Variants in INO80C observed in about 807,000 individuals in gnomAD.
INO80C encodes the protein IES6 homolog.
Under a neutral mutation model 17.7 loss-of-function variants are expected in INO80C, and 17 were observed. That is an observed-to-expected ratio of 0.96 (90% CI 0.66 to 1.44). The LOEUF (loss-of-function observed/expected upper bound fraction) is 1.44. Among genes scored for constraint, INO80C ranks in the 40% most tolerant of loss-of-function variants. The pLI, the probability that INO80C is intolerant of heterozygous loss-of-function variation, is 0.00. For missense variants in INO80C, 244 were observed against 245.0 expected (o/e 1.00, Z 0.03); for synonymous variants, 96 against 95.8 (o/e 1.00, Z -0.01).
intron 4 of INO80C, among the ~76,000 whole-genome samples, chr18:35,472,973 G>C (rs1160702026): frequency 6.6e-6 from 1 of 152,154 alleles, no homozygotes; most frequent in African/African-American, 2.4e-5. Flanking sequence ...ACATACAGTG[G>C]GGCAAGAGGT....
intron 1 of INO80C, chr18:35,496,891 A>G (rs1362643863): frequency 3.9e-5 from 6 of 152,206 alleles, no homozygotes; most frequent in Non-Finnish European, 8.8e-5. Flanking sequence ...TACTATAGCA[A>G]AGTATTTAAT....
At chr18:35,487,701 A>T (rs1176258019) in intron 1 of INO80C, 1 of 153,776 alleles carries the variant, frequency 6.5e-6, no homozygotes, top group Non-Finnish European at 1.5e-5. Flanking sequence ...ATGTCCTCAC[A>T]TGTTAAAATC....
At chr18:35,474,460 G>A (rs945671185) in intron 4 of INO80C, among the ~76,000 whole-genome samples, 1 of 151,734 alleles carries the variant, frequency 6.6e-6, no homozygotes, top group East Asian at 1.9e-4. Flanking sequence ...GGCCAAGGCA[G>A]GAGGATGACT....
At chr18:35,488,408 T>C (rs2045898921) in intron 1 of INO80C, among the ~76,000 whole-genome samples, 1 of 152,218 alleles carries the variant, frequency 6.6e-6, no homozygotes, top group Admixed American at 6.5e-5. Context: ...TTGACTTCTG[T>C]GCACCCACAG....
chr18:35,491,301 G>A (rs911125140), intron 1 of INO80C, among the ~76,000 whole-genome samples: 5 of 152,172 alleles, frequency 3.3e-5, no homozygotes, highest in Non-Finnish European at 5.9e-5. Flanking sequence ...GAGAGGACCA[G>A]AGGTCTAAGT....
chr18:35,471,274 T>A (rs1299755229), intron 4 of INO80C, among the ~76,000 whole-genome samples: 1 of 152,252 alleles, frequency 6.6e-6, no homozygotes, highest in Non-Finnish European at 1.5e-5. Context: ...AAGTCCTCTG[T>A]CTTCCCCAGG....
intron 2 of INO80C, among the ~76,000 whole-genome samples, chr18:35,479,700 T>C (rs982093950): frequency 6.6e-6 from 1 of 152,142 alleles, no homozygotes; most frequent in Non-Finnish European, 1.5e-5. Flanking sequence ...TTATTGGGTC[T>C]AACTTTGTAG....
chr18:35,471,593 A>G (rs922945945), intron 4 of INO80C, among the ~76,000 whole-genome samples: 4 of 151,338 alleles, frequency 2.6e-5, no homozygotes, highest in African/African-American at 9.7e-5. Flanking sequence ...CTTTGTGCAC[A>G]CTATTTCTTT....
intron 4 of INO80C, among the ~76,000 whole-genome samples, chr18:35,471,775 C>T (rs555641804): frequency 6.8e-6 from 1 of 146,970 alleles, no homozygotes; most frequent in Admixed American, 6.8e-5. Context: ...CCACAACATT[C>T]CCCGGAGTGT....
chr18:35,497,061 A>T (rs1397489051), intron 1 of INO80C, among the ~76,000 whole-genome samples: 2 of 152,204 alleles, frequency 1.3e-5, no homozygotes, highest in Admixed American at 1.3e-4. Context: ...TTTGAATAAA[A>T]TGCAGGAGCC....
intron 4 of INO80C, among the ~76,000 whole-genome samples, chr18:35,469,892 A>C (rs928625239): frequency 1.4e-4 from 21 of 152,206 alleles, no homozygotes; most frequent in Non-Finnish European, 2.9e-5. Flanking sequence ...CCATCACAGA[A>C]AAGAGAACTT....
At chr18:35,472,582 G>A (rs2045683628) in intron 4 of INO80C, among the ~76,000 whole-genome samples, 1 of 152,114 alleles carries the variant, frequency 6.6e-6, no homozygotes, top group African/African-American at 2.4e-5. Context: ...TTCTTTTGCT[G>A]TGTGCACACT....
At chr18:35,494,460 G>T (rs142743831) in intron 1 of INO80C, among the ~76,000 whole-genome samples, 2 of 152,336 alleles carry the variant, frequency 1.3e-5, no homozygotes, top group Admixed American at 6.5e-5. Flanking sequence ...AGCAATAAAA[G>T]AAGTCTGAAA....
At chr18:35,479,227 A>G (rs2045775840) in intron 3 of INO80C, 73 bp downstream of exon 3, 1 of 936,466 alleles carries the variant, frequency 1.1e-6, no homozygotes, top group Non-Finnish European at 1.7e-6. Context: ...AACACAATAC[A>G]ATAATGTAGG....
chr18:35,491,235 G>A lies in INO80C; in HGVS notation c.156+6484C>T, dbSNP rs17670709. Among the ~76,000 whole-genome samples the A allele has an allele frequency of 0.024, 3,648 of 152,280 alleles. 354 individuals are homozygous for A. The East Asian group carries it at 0.33, about 14-fold the overall frequency. On this transcript the variant is annotated intron_variant, in intron 1 of 4. Transcript: ENST00000334598. ...AGAAAAATGCCAGACAGGGGCCCTC[G>A]TTAGATTCAGGCAGACAAGCACGTC...
chr18:35,473,355 G>C (rs890216628), intron 4 of INO80C, among the ~76,000 whole-genome samples: 2 of 152,218 alleles, frequency 1.3e-5, no homozygotes, highest in Admixed American at 1.3e-4. Flanking sequence ...CACAAGGTAA[G>C]TTCCAGGATC....
In INO80C at chr18:35,497,716, T is replaced by A. The variant is rs1209344278; in HGVS notation, c.156+3A>T. 5 of 1,610,984 alleles carry A rather than the reference T, an allele frequency of 3.1e-6. No individual in the cohort carries two copies. Among genetic ancestry groups the A allele is most frequent in the Non-Finnish European group, 4.2e-6 (5 of 1,178,974 alleles). ...CGCGCAGCCTGGGAGCGCGACTGCG[T>A]ACCTGCGCAAAGCTGGAAGCGGACG... On this transcript the variant is annotated splice_donor_region_variant and intron_variant, in intron 1 of 4. Transcript: ENST00000334598.
intron 1 of INO80C, among the ~76,000 whole-genome samples, chr18:35,484,182 G>A (rs2045846375): frequency 6.6e-6 from 1 of 152,180 alleles, no homozygotes; most frequent in Non-Finnish European, 1.5e-5. Context: ...ACTACTTTAT[G>A]TGTATTCTAA....
intron 1 of INO80C, among the ~76,000 whole-genome samples, chr18:35,492,562 A>G (rs899579147): frequency 3.3e-5 from 5 of 152,232 alleles, no homozygotes; most frequent in Admixed American, 6.5e-5. Context: ...AGGTAATTTT[A>G]AAAATAGAAA....
Sources: gnomAD v4.1 joint callset for allele counts (sites outside exome capture counted in the v4.1 genomes callset) on GRCh38, gnomAD v4.1.1 for gene constraint, MANE v1.5 for transcripts, NCBI Gene and HGNC (gene_info 2026-07-23, HGNC 2026-07-21) for gene names.